The following TNFRSF8 variants were observed in gnomAD, a reference collection of about 807,000 sequenced individuals.
TNFRSF8 encodes the protein tumor necrosis factor receptor superfamily member 8.
TNFRSF8 carries 26 observed loss-of-function variants against 70.8 expected under a neutral mutation model. That is an observed-to-expected ratio of 0.37 (90% CI 0.27 to 0.51). TNFRSF8 has a LOEUF of 0.51. Ranked by LOEUF, TNFRSF8 falls within the 20% of genes least tolerant of loss-of-function variation. The probability of loss-of-function intolerance (pLI) is 0.94; values close to 1 mark genes in which losing one functional copy is unlikely to be tolerated. For synonymous variants in TNFRSF8, 356 were observed against 339.2 expected (o/e 1.05, Z -0.54); for missense variants, 720 against 807.9 (o/e 0.89, Z 1.32).
At chr1:12,089,550 AG>A in intron 2 of TNFRSF8, among the ~76,000 whole-genome samples, 1 of 152,214 alleles carries the variant, frequency 6.6e-6, no homozygotes, top group East Asian at 1.9e-4. Flanking sequence ...CGTGGAAGGG[AG>A]GAAATGGAAG....
chr1:12,076,658 C>G (rs1640972611), intron 1 of TNFRSF8, among the ~76,000 whole-genome samples: 1 of 152,180 alleles, frequency 6.6e-6, no homozygotes, highest in African/African-American at 2.4e-5. Flanking sequence ...GAAAACTCAA[C>G]TCGGCACCTG....
rs1363626288 is a variant in TNFRSF8, at chr1:12,119,337, C to T, written c.946+3608C>T. On this transcript the variant is annotated intron_variant, in intron 8 of 14. Transcript: ENST00000263932. This position sits in a 1 kb window ranked among gnomAD's most constrained non-coding sequence, Gnocchi z 4.4. ...CTTTGGCACCCCAAAGTGCTCCAGG[C>T]GTCTCCCCCACAGTGGCAGCCTCAA... Among the ~76,000 whole-genome samples, 1 of 152,136 alleles carries T rather than the reference C, an allele frequency of 6.6e-6. No individual in the cohort carries two copies. Among genetic ancestry groups the T allele is most frequent in the South Asian group, 2.1e-4 (1 of 4,834 alleles).
intron 12 of TNFRSF8, among the ~76,000 whole-genome samples, chr1:12,134,132 C>T (rs1243693014): frequency 6.6e-6 from 1 of 152,204 alleles, no homozygotes; most frequent in Non-Finnish European, 1.5e-5. Flanking sequence ...TATACTTTAT[C>T]CTACTTGTTG....
rs1642267833 is a variant in TNFRSF8 at position 12,142,336 on chromosome 1, G to A, written c.1593G>A (p.Lys531=). ...KADTVIVGTV[K]AELPEGRGLA... is the part of the protein sequence containing the mutation. Reference sequence around the variant, plus strand: ...ACACCGTGATCGTGGGGACCGTGAAGGCTGAGCTGCCGGAGGGCCGGGGCC... The same window carrying A: ...ACACCGTGATCGTGGGGACCGTGAAAGCTGAGCTGCCGGAGGGCCGGGGCC... Residue 531 remains lysine, a synonymous_variant, in exon 15 of 15, where the codon AAG becomes AAA. Coordinates refer to ENST00000263932, the MANE Select transcript of TNFRSF8 (RefSeq NM_001243.5). The surrounding 1 kb of genome is among the most constrained non-coding windows in gnomAD (Gnocchi z 5.0). 6.2e-7 allele frequency: 1 copy of A among 1,606,864 alleles called. No individual in the cohort carries two copies. The highest frequency in any genetic ancestry group is 2.2e-5 in the East Asian group (1 of 44,700).
In TNFRSF8 at chr1:12,138,185, G is replaced by A; in HGVS notation, c.1336-44G>A. ...GCCTCCCAGTTCAGAGACTGGTGGGGAGGTTGGGGGTACCCTGCAGCAGCA... is the reference window on the plus strand; with the variant it reads ...GCCTCCCAGTTCAGAGACTGGTGGGAAGGTTGGGGGTACCCTGCAGCAGCA... On this transcript the variant is annotated intron_variant, in intron 13 of 14. Transcript: ENST00000263932. The surrounding 1 kb of genome is among the most constrained non-coding windows in gnomAD (Gnocchi z 5.7). The A allele has an allele frequency of 1.9e-6, 3 of 1,598,536 alleles. No homozygotes were observed. The highest frequency in any genetic ancestry group is 2.7e-5 in the African/African-American group (2 of 74,512).
rs111729252 is a variant in TNFRSF8 at position 12,079,949 on chromosome 1, ATTTT to A, written c.64-4501_64-4498del. 1.9e-4 allele frequency among the ~76,000 whole-genome samples: 24 copies of A among 127,034 alleles called. No individual in the cohort carries two copies. In the South Asian group the frequency reaches 3.1e-3, roughly 16 times the overall value. 83.3% of individuals were successfully genotyped at this position (127,034 alleles called of 152,430 possible). A position where few individuals can be genotyped will look rare whatever the true frequency, so the allele number is the denominator to read the frequency against. On this transcript the variant is annotated intron_variant, in intron 1 of 14. Transcript: ENST00000263932. ...TCACTACTTTATTTTTTAATTCTCT[ATTTT>A]TTTTTTTTTTTTTGAGGCAGGGTCT...
chr1:12,092,711 T>A (rs541094840), intron 2 of TNFRSF8, among the ~76,000 whole-genome samples: 23 of 152,064 alleles, frequency 1.5e-4, no homozygotes, highest in African/African-American at 4.8e-4. Context: ...GGTTTCACCA[T>A]GTTAGCGAGG....
intron 10 of TNFRSF8, among the ~76,000 whole-genome samples, chr1:12,124,914 A>G (rs1641907785): frequency 6.6e-6 from 1 of 151,748 alleles, no homozygotes; most frequent in Non-Finnish European, 1.5e-5. Flanking sequence ...TTAGGGAAAG[A>G]TGCCAGGTTA....
rs1642294683 is a variant in TNFRSF8 at position 12,143,358 on chromosome 1, T to C, written c.*827T>C. 1 of 151,956 alleles carries C rather than the reference T, an allele frequency of 6.6e-6. No individual in the cohort carries two copies. Among genetic ancestry groups the C allele is most frequent in the South Asian group, 2.1e-4 (1 of 4,820 alleles). The allele number at this position is 151,956 out of a possible 1,614,324, so 9.4% of individuals were successfully genotyped here. ...CCCCTCACCAACCCAGAGAACCTGCTTTACTTTGCCCAGGGACTTCCTCCC... is the reference window on the plus strand; with the variant it reads ...CCCCTCACCAACCCAGAGAACCTGCCTTACTTTGCCCAGGGACTTCCTCCC... On this transcript the variant is annotated 3_prime_UTR_variant, in exon 15 of 15. Coordinates refer to ENST00000263932, the MANE Select transcript of TNFRSF8 (RefSeq NM_001243.5). The surrounding 1 kb of genome is among the most constrained non-coding windows in gnomAD (Gnocchi z 4.1).
At chr1:12,123,444 G>A in intron 9 of TNFRSF8, 67 bp downstream of exon 9, 1 of 1,436,680 alleles carries the variant, frequency 7.0e-7, no homozygotes, top group East Asian at 2.5e-5. Context: ...CATGCCCAGG[G>A]GATGCCTGGG....
rs1194723052 is a variant in TNFRSF8, at chr1:12,138,375, C to G, written c.1482C>G (p.Pro494=). 16 of 1,613,534 alleles carry G rather than the reference C, an allele frequency of 9.9e-6. No individual in the cohort carries two copies. Among genetic ancestry groups the G allele is most frequent in the Non-Finnish European group, 1.2e-5 (14 of 1,179,866 alleles). The change falls in exon 14 of 15, where the codon CCC becomes CCG. Residue 494 remains proline (P), a synonymous_variant. Coordinates refer to ENST00000263932, the MANE Select transcript of TNFRSF8 (RefSeq NM_001243.5). This position sits in a 1 kb window ranked among gnomAD's most constrained non-coding sequence, Gnocchi z 5.7. ...PLQDASPAGG[P]SSPRDLPEPR... ...AGGATGCCAGCCCGGCCGGGGGCCCCTCGTCCCCCAGGGACCTTCCTGAGC... is the reference window on the plus strand; with the variant it reads ...AGGATGCCAGCCCGGCCGGGGGCCCGTCGTCCCCCAGGGACCTTCCTGAGC...
chr1:12,122,372 C>G lies in TNFRSF8; in HGVS notation c.947-912C>G, dbSNP rs939002983. Among the ~76,000 whole-genome samples, 5 of 151,958 alleles carry G rather than the reference C, an allele frequency of 3.3e-5. No individual in the cohort carries two copies. In the South Asian group the frequency reaches 1.0e-3, roughly 32 times the overall value. On this transcript the variant is annotated intron_variant, in intron 8 of 14. Coordinates refer to ENST00000263932, the MANE Select transcript of TNFRSF8 (RefSeq NM_001243.5). ...TATATAAATGTTGCCTTAGGCTGGG[C>G]ATGGTGGCTCACGCCTACGATCCCA...
At position 12,142,229 on chromosome 1, in the gene TNFRSF8, G is replaced by C; in HGVS notation, c.1544-58G>C. Reference sequence around the variant, plus strand: ...GGCCTCGGCCCTTCTCTGCCTCTTTGCTCCCATCCTGGCTGGTGCTCTGGC... The same window carrying C: ...GGCCTCGGCCCTTCTCTGCCTCTTTCCTCCCATCCTGGCTGGTGCTCTGGC... On this transcript the variant is annotated intron_variant, in intron 14 of 14. Transcript: ENST00000263932. The surrounding 1 kb of genome is among the most constrained non-coding windows in gnomAD (Gnocchi z 5.0). The C allele has an allele frequency of 6.7e-7, 1 of 1,499,460 alleles. No homozygotes were observed. Among genetic ancestry groups the C allele is most frequent in the East Asian group, 2.4e-5 (1 of 41,386 alleles). 92.9% of individuals were successfully genotyped at this position (1,499,460 alleles called of 1,614,324 possible).
At chr1:12,089,441 C>G (rs1038276223) in intron 2 of TNFRSF8, among the ~76,000 whole-genome samples, 1 of 152,198 alleles carries the variant, frequency 6.6e-6, no homozygotes, top group African/African-American at 2.4e-5. Context: ...TCAGACCAGC[C>G]TCTCTCTCCT....
rs770531201 is a variant in TNFRSF8, at chr1:12,111,930, T to G, written c.709T>G (p.Ser237Ala). The G allele has an allele frequency of 6.2e-7, 1 of 1,614,030 alleles. No individual in the cohort carries two copies. Among genetic ancestry groups the G allele is most frequent in the Non-Finnish European group, 8.5e-7 (1 of 1,179,998 alleles). ...CCCAACACAGCCATGCCCAGAGGGGTCTGGTGATTGCAGAAAGCAGTGTGA... is the reference window on the plus strand; with the variant it reads ...CCCAACACAGCCATGCCCAGAGGGGGCTGGTGATTGCAGAAAGCAGTGTGA... ...LSPTQPCPEGSGDCRKQCEPD... is the reference protein window; with the variant it reads ...LSPTQPCPEGAGDCRKQCEPD... Residue 237 changes from serine to alanine, a missense_variant, in exon 7 of 15, where the codon TCT becomes GCT. Coordinates refer to ENST00000263932, the MANE Select transcript of TNFRSF8 (RefSeq NM_001243.5).
chr1:12,111,880 C>T lies in TNFRSF8; in HGVS notation c.677-18C>T, dbSNP rs766303410. ...GCCAAGGCGGCCTGGCCTGCAGCTT[C>T]TCTGCTTCTTTCCCCAGGTCTGTCC... On this transcript the variant is annotated intron_variant, in intron 6 of 14. Transcript: ENST00000263932. 59 of 1,611,578 alleles carry T rather than the reference C, an allele frequency of 3.7e-5. No homozygotes were observed. In the South Asian group the frequency reaches 5.7e-4, roughly 16 times the overall value.
At chr1:12,115,812 G>A (rs983808591) in intron 8 of TNFRSF8, 83 bp downstream of exon 8, 10 of 1,509,226 alleles carry the variant, frequency 6.6e-6, no homozygotes, top group Middle Eastern at 1.7e-4. Context: ...AACAGCCAGG[G>A]GTGGAGGCAA....
intron 12 of TNFRSF8, among the ~76,000 whole-genome samples, chr1:12,130,727 G>A (rs1040422564): frequency 6.6e-6 from 1 of 152,256 alleles, no homozygotes; most frequent in Non-Finnish European, 1.5e-5. Context: ...TTGTGCAAGG[G>A]GGCCTGCTGC....
rs1570089376 is a variant in TNFRSF8 at position 12,138,197 on chromosome 1, A to G, written c.1336-32A>G. ...AGAGACTGGTGGGGAGGTTGGGGGT[A>G]CCCTGCAGCAGCACCCATTCCCGTC... On this transcript the variant is annotated intron_variant, in intron 13 of 14. Coordinates refer to ENST00000263932, the MANE Select transcript of TNFRSF8 (RefSeq NM_001243.5). The surrounding 1 kb of genome is among the most constrained non-coding windows in gnomAD (Gnocchi z 5.7). 6.2e-7 allele frequency: 1 copy of G among 1,604,916 alleles called. No homozygotes were observed.
Sources: allele counts gnomAD v4.1 joint callset (sites outside exome capture counted in the v4.1 genomes callset), GRCh38; gene constraint gnomAD v4.1.1; non-coding constraint Gnocchi (gnomAD v3.1); transcripts MANE v1.5; gene names NCBI Gene and HGNC (gene_info 2026-07-23, HGNC 2026-07-21).